DHX9: variants seen among roughly 807,000 people sequenced by gnomAD.
DHX9 encodes DExH-box helicase 9, also known as ATP-dependent RNA helicase A.
In DHX9, 27 loss-of-function variants were observed where a neutral mutation model predicts 148.7. That is an observed-to-expected ratio of 0.18 (90% CI 0.13 to 0.25). The LOEUF is 0.25. DHX9 is among the 10% of genes least tolerant of loss of function. The pLI is 1.00. For synonymous variants in DHX9, 529 were observed against 516.6 expected (o/e 1.02, Z -0.33); for missense variants, 796 against 1,559.6 (o/e 0.51, Z 8.25).
intron 1 of DHX9, among the ~76,000 whole-genome samples, chr1:182,841,007 C>G (rs1667916109): frequency 6.6e-6 from 1 of 151,948 alleles, no homozygotes; most frequent in Admixed American, 6.6e-5. Context: ...TAAAGAGAAA[C>G]GACGGGCGGG....
intron 1 of DHX9, among the ~76,000 whole-genome samples, chr1:182,841,306 G>T (rs1667923591): frequency 6.6e-6 from 1 of 152,032 alleles, no homozygotes; most frequent in Non-Finnish European, 1.5e-5. Context: ...AAAAAAGAGA[G>T]AAAAGACTAA....
At chr1:182,850,346 A>G (rs917514104) in intron 3 of DHX9, among the ~76,000 whole-genome samples, 4 of 152,032 alleles carry the variant, frequency 2.6e-5, no homozygotes, top group Non-Finnish European at 5.9e-5. Context: ...TGTAATACCA[A>G]CACTTCGGGA....
In DHX9 at chr1:182,874,963, A is replaced by G. The variant is rs781075725; in HGVS notation, c.1815+9A>G. The G allele has an allele frequency of 6.2e-7, 1 of 1,603,600 alleles. No individual in the cohort carries two copies. Among genetic ancestry groups the G allele is most frequent in the Non-Finnish European group, 8.5e-7 (1 of 1,170,914 alleles). On this transcript the variant is annotated intron_variant, in intron 16 of 27. Coordinates refer to ENST00000367549, the MANE Select transcript of DHX9 (RefSeq NM_001357.5). ...GTGGTGAGGATGATGATGTAAGTGA[A>G]TTTCATGAAGAATTTCCATTATGGG... is the stretch of plus-strand genomic sequence containing the variant.
intron 15 of DHX9, among the ~76,000 whole-genome samples, chr1:182,873,750 A>T (rs1221149260): frequency 3.3e-5 from 5 of 152,216 alleles, no homozygotes; most frequent in Admixed American, 6.5e-5. Context: ...CACCCAGTAG[A>T]TAGGGATATG....
rs1327596379 is a variant in DHX9, at chr1:182,853,342, T to C, written c.401T>C (p.Val134Ala). The C allele has an allele frequency of 3.1e-6, 5 of 1,613,884 alleles. No homozygotes were observed. Among genetic ancestry groups the C allele is most frequent in the Non-Finnish European group, 4.2e-6 (5 of 1,179,964 alleles). Residue 134 changes from valine to alanine, a missense_variant, in exon 5 of 28, where the codon GTT (valine) becomes GCT (alanine). This residue lies in a region of DHX9 where 89 missense variants were observed against 77.5 expected (regional missense o/e 1.15). Coordinates refer to ENST00000367549, the MANE Select transcript of DHX9 (RefSeq NM_001357.5). ...GAGGTAGGGGCCTCTGGCTATGGTG[T>C]TCCTGGGCCCACCTGGGACCGAGGA... ...NSEVGASGYG[V>A]PGPTWDRGAN... is the part of the protein sequence containing the mutation.
chr1:182,871,278 G>A (rs1648543609), intron 14 of DHX9, among the ~76,000 whole-genome samples: 1 of 152,104 alleles, frequency 6.6e-6, no homozygotes, highest in Non-Finnish European at 1.5e-5. Context: ...TAAACATGGA[G>A]ATACTCAATC....
intron 27 of DHX9, among the ~76,000 whole-genome samples, chr1:182,886,475 CCT>C (rs1328104523): frequency 6.6e-6 from 1 of 152,092 alleles, no homozygotes; most frequent in Non-Finnish European, 1.5e-5. Flanking sequence ...GGATTACAAA[CCT>C]GAACCACTGC....
intron 14 of DHX9, among the ~76,000 whole-genome samples, chr1:182,870,014 T>C (rs1436491182): frequency 6.6e-6 from 1 of 152,230 alleles, no homozygotes; most frequent in Non-Finnish European, 1.5e-5. Flanking sequence ...AATTTAACAG[T>C]CTGGCTGGAT....
intron 14 of DHX9, among the ~76,000 whole-genome samples, chr1:182,871,185 C>T (rs1434445505): frequency 6.6e-6 from 1 of 152,050 alleles, no homozygotes; most frequent in Non-Finnish European, 1.5e-5. Flanking sequence ...GCAACTTCTA[C>T]AAATCAGTAA....
At chr1:182,880,955 AAG>A (rs1649059812) in intron 22 of DHX9, among the ~76,000 whole-genome samples, 1 of 152,218 alleles carries the variant, frequency 6.6e-6, no homozygotes, top group Non-Finnish European at 1.5e-5. Context: ...GTGTCAGGAA[AAG>A]AGGTTTATTT....
At chr1:182,882,120 A>T (rs1301714460) in intron 24 of DHX9, among the ~76,000 whole-genome samples, 6 of 152,206 alleles carry the variant, frequency 3.9e-5, no homozygotes, top group Non-Finnish European at 8.8e-5. Context: ...TAAATTTTTA[A>T]AGGCTGTAAT....
At position 182,884,584 on chromosome 1, in the gene DHX9, C is replaced by T. The variant is rs749179709; in HGVS notation, c.3261-29C>T. The T allele has an allele frequency of 9.4e-6, 15 of 1,602,034 alleles. No homozygotes were observed. The African/African-American group carries it at 2.0e-4, about 21-fold the overall frequency. On this transcript the variant is annotated intron_variant, in intron 26 of 27. Coordinates refer to ENST00000367549, the MANE Select transcript of DHX9 (RefSeq NM_001357.5). ...GTCTTTTTCTACATATACTCCCTCT[C>T]TTATTTTTAATGTATTTCGCCACTT... is the stretch of plus-strand genomic sequence containing the variant.
chr1:182,854,270 GTTAA>G (rs1249768659), intron 6 of DHX9, 92 bp downstream of exon 6: 3 of 1,181,026 alleles, frequency 2.5e-6, no homozygotes, highest in East Asian at 2.4e-5. Context: ...ACGTTGTCTG[GTTAA>G]TTGTGTGGAT....
intron 26 of DHX9, 147 bp from the exon 27 acceptor site, chr1:182,884,466 G>C (rs1020625363): frequency 4.3e-6 from 3 of 696,940 alleles, no homozygotes; most frequent in Non-Finnish European, 7.1e-6. Flanking sequence ...GCCTAAGTTT[G>C]GGGCCATTAT....
At chr1:182,849,409 T>A (rs890204557) in intron 3 of DHX9, among the ~76,000 whole-genome samples, 3 of 152,120 alleles carry the variant, frequency 2.0e-5, no homozygotes, top group Non-Finnish European at 4.4e-5. Context: ...ATTCTTTTTT[T>A]AAAAAAAGTA....
intron 12 of DHX9, among the ~76,000 whole-genome samples, chr1:182,865,339 CTAAT>C (rs1648247588): frequency 6.6e-6 from 1 of 152,142 alleles, no homozygotes; most frequent in South Asian, 2.1e-4. Context: ...TTTATTCTCA[CTAAT>C]TAAATCTCTG....
chr1:182,873,438 G>A (rs1342049917), intron 15 of DHX9, among the ~76,000 whole-genome samples: 1 of 152,166 alleles, frequency 6.6e-6, no homozygotes, highest in East Asian at 1.9e-4. Flanking sequence ...ATAATTCACT[G>A]GGGTACAGGT....
chr1:182,841,794 A>G (rs984635084), intron 1 of DHX9, among the ~76,000 whole-genome samples: 4 of 152,248 alleles, frequency 2.6e-5, no homozygotes, highest in Admixed American at 6.5e-5. Context: ...GATAGGCTCC[A>G]TATCTTGTGG....
At chr1:182,875,238 G>A (rs1269368035) in intron 16 of DHX9, 8 of 469,636 alleles carry the variant, frequency 1.7e-5, no homozygotes, top group Middle Eastern at 6.3e-4. Flanking sequence ...GGACAATGCT[G>A]TTGTATAAGG....
Sources: gnomAD v4.1 joint callset for allele counts (sites outside exome capture counted in the v4.1 genomes callset) on GRCh38, gnomAD v4.1.1 for gene constraint, gnomAD v4.1.1 regional missense constraint, MANE v1.5 for transcripts, NCBI Gene and HGNC (gene_info 2026-07-23, HGNC 2026-07-21) for gene names.